Variants in LRRC7 observed in about 807,000 individuals in gnomAD.
The protein encoded by LRRC7 is leucine rich repeat containing 7, also known as leucine-rich repeat-containing protein 7.
In LRRC7, 23 loss-of-function variants were observed where a neutral mutation model predicts 175.7. That is an observed-to-expected ratio of 0.13 (90% confidence interval 0.09 to 0.19). The LOEUF is 0.19. LRRC7 is among the 10% of genes least tolerant of loss of function. LRRC7 has a pLI of 1.00. For missense variants in LRRC7, 1,354 were observed against 1,904.7 expected (o/e 0.71, Z 5.38); for synonymous variants, 685 against 680.9 (o/e 1.01, Z -0.09).
chr1:69,868,830 T>A (rs542943145), intron 7 of LRRC7, among the ~76,000 whole-genome samples: 1 of 152,100 alleles, frequency 6.6e-6, no homozygotes, highest in East Asian at 1.9e-4. Flanking sequence ...CTCCTTGGCT[T>A]GTGAATGGCC....
intron 1 of LRRC7, among the ~76,000 whole-genome samples, chr1:69,645,356 T>A (rs1654856677): frequency 6.6e-6 from 1 of 152,060 alleles, no homozygotes; most frequent in Non-Finnish European, 1.5e-5. Context: ...CTTACTTATA[T>A]GGTGGGCCTT....
intron 2 of LRRC7, among the ~76,000 whole-genome samples, chr1:69,758,323 T>A (rs1374480250): frequency 6.6e-6 from 1 of 152,074 alleles, no homozygotes; most frequent in East Asian, 1.9e-4. Context: ...TAAATGTTTT[T>A]ATTCAGCCTT....
At chr1:69,903,379 G>A (rs1194252160) in intron 7 of LRRC7, among the ~76,000 whole-genome samples, 1 of 152,172 alleles carries the variant, frequency 6.6e-6, no homozygotes, top group Admixed American at 6.5e-5. Context: ...AAGGGGTCAG[G>A]GAACTCCCTC....
At chr1:70,037,587 A>G (rs1571122973) in intron 20 of LRRC7, among the ~76,000 whole-genome samples, 2 of 152,324 alleles carry the variant, frequency 1.3e-5, no homozygotes, top group South Asian at 4.1e-4. Flanking sequence ...TAGATTCATC[A>G]GATACACCAA....
At position 70,137,421 on chromosome 1, in the gene LRRC7, A is replaced by G. The variant is rs1666915434; in HGVS notation, c.*15534A>G. ...ACCTTTAGTGACCCTTGAAAGCTTTAAAATAATTCTTTTGTGTTTTAGACA... is the reference window on the plus strand; with the variant it reads ...ACCTTTAGTGACCCTTGAAAGCTTTGAAATAATTCTTTTGTGTTTTAGACA... On this transcript the variant is annotated 3_prime_UTR_variant, in exon 27 of 27. Coordinates refer to ENST00000651989, the MANE Select transcript of LRRC7 (RefSeq NM_001370785.2). Among the ~76,000 whole-genome samples, 1 of 152,212 alleles carries G rather than the reference A, an allele frequency of 6.6e-6. No individual in the cohort carries two copies. Among genetic ancestry groups the G allele is most frequent in the South Asian group, 2.1e-4 (1 of 4,838 alleles).
chr1:70,138,555 G>A lies in LRRC7; in HGVS notation c.*16668G>A, dbSNP rs1407424813. ...TGTCTATTAACTCTTTAAGGTACATGATATAGCAAATAATCATTTGTACAA... is the reference window on the plus strand; with the variant it reads ...TGTCTATTAACTCTTTAAGGTACATAATATAGCAAATAATCATTTGTACAA... On this transcript the variant is annotated 3_prime_UTR_variant, in exon 27 of 27. Transcript: ENST00000651989. The A allele has an allele frequency of 6.6e-6, 1 of 152,160 alleles. No homozygotes were observed. Among genetic ancestry groups the A allele is most frequent in the Non-Finnish European group, 1.5e-5 (1 of 68,022 alleles). 9.4% of individuals were successfully genotyped at this position (152,160 alleles called of 1,614,324 possible).
At chr1:69,728,663 G>T (rs1354527471) in intron 2 of LRRC7, among the ~76,000 whole-genome samples, 2 of 152,106 alleles carry the variant, frequency 1.3e-5, no homozygotes, top group East Asian at 1.9e-4. Context: ...TATGAAATTG[G>T]ATCAACTTTT....
At chr1:69,844,220 A>C (rs1450865690) in intron 7 of LRRC7, among the ~76,000 whole-genome samples, 2 of 152,068 alleles carry the variant, frequency 1.3e-5, no homozygotes, top group Non-Finnish European at 2.9e-5. Flanking sequence ...TTAACATGAG[A>C]TCTACCCTCT....
In LRRC7 at chr1:69,872,488, A is replaced by G. The variant is rs556667330; in HGVS notation, c.647+34205A>G. Among the ~76,000 whole-genome samples the G allele has an allele frequency of 5.9e-5, 9 of 152,152 alleles. No individual in the cohort carries two copies. In the East Asian group the frequency reaches 1.7e-3, roughly 29 times the overall value. On this transcript the variant is annotated intron_variant, in intron 7 of 26. Coordinates refer to ENST00000651989, the MANE Select transcript of LRRC7 (RefSeq NM_001370785.2). ...ACTGTTATAAAAATGCCAATTTCTTAAATTAAAAAGGTGGTTACTTAAATG... is the reference window on the plus strand; with the variant it reads ...ACTGTTATAAAAATGCCAATTTCTTGAATTAAAAAGGTGGTTACTTAAATG...
At chr1:69,826,782 T>C (rs902736587) in intron 5 of LRRC7, among the ~76,000 whole-genome samples, 7 of 152,004 alleles carry the variant, frequency 4.6e-5, no homozygotes, top group Admixed American at 1.3e-4. Context: ...ATGGATGGAG[T>C]ATTTTTAGAA....
chr1:69,893,269 G>A (rs1366982293), intron 7 of LRRC7, among the ~76,000 whole-genome samples: 4 of 152,100 alleles, frequency 2.6e-5, no homozygotes, highest in Non-Finnish European at 5.9e-5. Context: ...AATCAAGGTG[G>A]TTTCTTTTGC....
chr1:69,568,553 G>T lies in LRRC7; in HGVS notation c.-87G>T. On this transcript the variant is annotated 5_prime_UTR_variant, in exon 1 of 27. Coordinates refer to ENST00000651989, the MANE Select transcript of LRRC7 (RefSeq NM_001370785.2). ...CGAAGACCCTGGCGCCCACTCCACTGCGGACCCCTGAACACTTAAGGAATA... is the reference window on the plus strand; with the variant it reads ...CGAAGACCCTGGCGCCCACTCCACTTCGGACCCCTGAACACTTAAGGAATA... 7 of 1,287,558 alleles carry T rather than the reference G, an allele frequency of 5.4e-6. No homozygotes were observed. The highest frequency in any genetic ancestry group is 2.1e-5 in the Admixed American group (1 of 47,034). The allele number at this position is 1,287,558 out of a possible 1,614,324, so 79.8% of individuals were successfully genotyped here.
At chr1:70,046,429 A>C (rs1338677933) in intron 22 of LRRC7, among the ~76,000 whole-genome samples, 1 of 152,138 alleles carries the variant, frequency 6.6e-6, no homozygotes, top group African/African-American at 2.4e-5. Flanking sequence ...TGGAAGCTAC[A>C]TTAATTGCAA....
intron 1 of LRRC7, 111 bp from the exon 2 acceptor site, chr1:69,678,270 A>C (rs149079204): frequency 1.4e-6 from 1 of 722,308 alleles, no homozygotes; most frequent in African/African-American, 1.8e-5. Flanking sequence ...GATCATCTTC[A>C]TGGTGTTGTC....
At chr1:70,089,882 AGGTT>A in intron 25 of LRRC7, 63 bp downstream of exon 25, 2 of 1,209,408 alleles carry the variant, frequency 1.7e-6, no homozygotes, top group Admixed American at 4.3e-5. Flanking sequence ...ACAGTAACAA[AGGTT>A]AGAAAAAAAT....
chr1:69,962,266 A>C (rs377120537), intron 8 of LRRC7, among the ~76,000 whole-genome samples: 7 of 152,258 alleles, frequency 4.6e-5, no homozygotes, highest in Non-Finnish European at 1.0e-4. Flanking sequence ...AATGCAAATC[A>C]AAACCACAAT....
rs148669228 is a variant in LRRC7, at chr1:69,910,690, C to T, written c.648-20817C>T. Among the ~76,000 whole-genome samples the T allele has an allele frequency of 3.3e-3, 507 of 152,334 alleles. 1 individual carries two copies. The highest frequency in any genetic ancestry group is 0.011 in the African/African-American group (447 of 41,574). ...GGCAGTCTGCCCGCTCTCAGATCTCCAGCTGCATGCTGGGAGAACCACTAC... is the reference window on the plus strand; with the variant it reads ...GGCAGTCTGCCCGCTCTCAGATCTCTAGCTGCATGCTGGGAGAACCACTAC... On this transcript the variant is annotated intron_variant, in intron 7 of 26. Coordinates refer to ENST00000651989, the MANE Select transcript of LRRC7 (RefSeq NM_001370785.2).
intron 17 of LRRC7, among the ~76,000 whole-genome samples, chr1:70,025,676 AT>A (rs1658013201): frequency 1.3e-5 from 2 of 152,250 alleles, no homozygotes; most frequent in Admixed American, 6.5e-5. Context: ...TTAGTGGATG[AT>A]AGCTAGTTGG....
chr1:69,667,926 T>C (rs1199030517), intron 1 of LRRC7, among the ~76,000 whole-genome samples: 1 of 152,214 alleles, frequency 6.6e-6, no homozygotes, highest in Non-Finnish European at 1.5e-5. Flanking sequence ...GGTAATTTTC[T>C]CTGGTGATAT....
Sources: allele counts gnomAD v4.1 joint callset (sites outside exome capture counted in the v4.1 genomes callset), GRCh38; gene constraint gnomAD v4.1.1; transcripts MANE v1.5; gene names NCBI Gene and HGNC (gene_info 2026-07-23, HGNC 2026-07-21).